COPS3: variants seen among roughly 807,000 people sequenced by gnomAD.
The protein encoded by COPS3 is COP9 signalosome complex subunit 3.
A neutral mutation model predicts 58.2 loss-of-function variants in COPS3; 10 were observed. The ratio of observed to expected loss-of-function variants is 0.17; its 90% CI spans 0.11 to 0.29. COPS3 has a LOEUF of 0.29. COPS3 is among the 10% of genes least tolerant of loss of function. The pLI, the probability that COPS3 is intolerant of heterozygous loss-of-function variation, is 1.00. For synonymous variants in COPS3, 187 were observed against 181.7 expected (o/e 1.03, Z -0.24); for missense variants, 333 against 510.1 (o/e 0.65, Z 3.34).
At chr17:17,264,022 C>T (rs753584121) in intron 6 of COPS3, among the ~76,000 whole-genome samples, 6 of 152,230 alleles carry the variant, frequency 3.9e-5, no homozygotes, top group Non-Finnish European at 1.5e-5. Flanking sequence ...TCTCTGCCTA[C>T]TGGCACCTTA....
At chr17:17,265,510 T>G (rs1305802322) in intron 5 of COPS3, among the ~76,000 whole-genome samples, 1 of 151,996 alleles carries the variant, frequency 6.6e-6, no homozygotes, top group Non-Finnish European at 1.5e-5. Flanking sequence ...GTGATTCTCC[T>G]GCATTAGCCT....
intron 2 of COPS3, among the ~76,000 whole-genome samples, chr17:17,271,610 G>T (rs1349281268): frequency 1.3e-5 from 2 of 149,472 alleles, no homozygotes; most frequent in Non-Finnish European, 3.0e-5. Context: ...ACCTAAGGTC[G>T]GGAGTTCGAG....
intron 8 of COPS3, 130 bp from the exon 9 acceptor site, chr17:17,255,075 G>A: frequency 1.6e-6 from 1 of 609,728 alleles, no homozygotes; most frequent in Non-Finnish European, 2.9e-6. Flanking sequence ...GCTGAGGTGG[G>A]CAGATCATGA....
chr17:17,249,599 TCTC>T (rs766855866), intron 9 of COPS3, among the ~76,000 whole-genome samples: 3 of 152,150 alleles, frequency 2.0e-5, no homozygotes, highest in Non-Finnish European at 2.9e-5. Flanking sequence ...TTCAAGCAAT[TCTC>T]CTGCTTCAGC....
chr17:17,280,396 G>A (rs1224099225), intron 1 of COPS3, among the ~76,000 whole-genome samples: 1 of 136,664 alleles, frequency 7.3e-6, no homozygotes, highest in Non-Finnish European at 1.5e-5. Context: ...GTGAGACTCC[G>A]TCTCAAAAAA....
chr17:17,261,322 C>T (rs1289843365), intron 7 of COPS3, among the ~76,000 whole-genome samples: 1 of 151,572 alleles, frequency 6.6e-6, no homozygotes, highest in Non-Finnish European at 1.5e-5. Context: ...GTCAAGAGAT[C>T]GAGACAATCC....
chr17:17,257,423 G>A (rs2048000236), intron 8 of COPS3, among the ~76,000 whole-genome samples: 1 of 151,528 alleles, frequency 6.6e-6, no homozygotes, highest in Admixed American at 6.6e-5. Context: ...AGAATAGCAC[G>A]TAGAGTATGA....
intron 11 of COPS3, 59 bp from the exon 12 acceptor site, chr17:17,247,210 A>G: frequency 1.3e-6 from 2 of 1,506,348 alleles, no homozygotes. Flanking sequence ...GTTCCCCGGC[A>G]GCCCAATAAG....
chr17:17,265,984 T>C (rs2048213154), intron 5 of COPS3, among the ~76,000 whole-genome samples: 1 of 152,218 alleles, frequency 6.6e-6, no homozygotes, highest in African/African-American at 2.4e-5. Context: ...ATCTAGCTAA[T>C]GGAGACGCAG....
At chr17:17,271,815 T>C (rs1388086879) in intron 2 of COPS3, among the ~76,000 whole-genome samples, 2 of 139,372 alleles carry the variant, frequency 1.4e-5, no homozygotes, top group Non-Finnish European at 1.5e-5. Context: ...AGCGAGACTG[T>C]CTCAAAAAAA....
At chr17:17,262,724 C>G (rs975244914) in intron 6 of COPS3, among the ~76,000 whole-genome samples, 1 of 150,734 alleles carries the variant, frequency 6.6e-6, no homozygotes, top group South Asian at 2.1e-4. Context: ...AGCGAGACTC[C>G]GTCTCAAAAA....
At chr17:17,267,635 CAAA>C (rs553294077) in intron 5 of COPS3, among the ~76,000 whole-genome samples, 2 of 107,170 alleles carry the variant, frequency 1.9e-5, no homozygotes, top group Non-Finnish European at 3.6e-5. Flanking sequence ...GAGACTGTCT[CAAA>C]AAAAAAAAAA....
At chr17:17,272,193 C>T (rs1016140285) in intron 2 of COPS3, among the ~76,000 whole-genome samples, 5 of 151,920 alleles carry the variant, frequency 3.3e-5, no homozygotes, top group East Asian at 3.9e-4. Flanking sequence ...GAGGCCAAGG[C>T]GGGTGGATCA....
At chr17:17,260,501 T>G (rs774618766) in intron 7 of COPS3, 27 bp from the exon 8 acceptor site, 1 of 1,611,734 alleles carries the variant, frequency 6.2e-7, no homozygotes, top group Non-Finnish European at 8.5e-7. Context: ...GGGAAAAAAT[T>G]CAGATTAAAA....
chr17:17,252,509 A>G (rs2047872899), intron 9 of COPS3, among the ~76,000 whole-genome samples: 1 of 152,144 alleles, frequency 6.6e-6, no homozygotes, highest in African/African-American at 2.4e-5. Flanking sequence ...GCCCGTACCC[A>G]TTAGACGCCA....
intron 5 of COPS3, among the ~76,000 whole-genome samples, chr17:17,267,560 C>T (rs541733624): frequency 6.6e-6 from 1 of 151,546 alleles, no homozygotes; most frequent in South Asian, 2.1e-4. Flanking sequence ...ATTGCTTGAA[C>T]CCGGGAGGCA....
At chr17:17,263,719 G>A (rs1273405716) in intron 6 of COPS3, among the ~76,000 whole-genome samples, 11 of 151,382 alleles carry the variant, frequency 7.3e-5, no homozygotes, top group Admixed American at 7.3e-4. Flanking sequence ...TCTCCACGTT[G>A]GTCAGGCTGG....
chr17:17,274,939 C>T (rs1487573938), intron 2 of COPS3, among the ~76,000 whole-genome samples: 7 of 152,026 alleles, frequency 4.6e-5, no homozygotes, highest in Admixed American at 4.6e-4. Context: ...CTCCTCTTGT[C>T]CTGCCTATCA....
chr17:17,260,819 C>A lies in COPS3; in HGVS notation c.763-345G>T, dbSNP rs1399374994. The A allele has an allele frequency of 3.5e-3, 578 of 163,402 alleles. 2 individuals carry two copies. Among genetic ancestry groups the A allele is most frequent in the African/African-American group, 0.011 (430 of 38,960 alleles). 10.1% of individuals were successfully genotyped at this position (163,402 alleles called of 1,614,324 possible). On this transcript the variant is annotated intron_variant, in intron 7 of 11. Transcript: ENST00000268717. The stretch of plus-strand genomic sequence containing the variant: ...CTCCGTCTCAAAAAAAAAAAAAAAA[C>A]CAAAAACAAACAAACAAACTTCAGA...
Sources: allele counts gnomAD v4.1 joint callset (sites outside exome capture counted in the v4.1 genomes callset), GRCh38; gene constraint gnomAD v4.1.1; transcripts MANE v1.5; gene names NCBI Gene and HGNC (gene_info 2026-07-23, HGNC 2026-07-21).